Variants in ARHGEF16 observed in about 807,000 individuals in gnomAD.
The protein encoded by ARHGEF16 is Rho guanine nucleotide exchange factor 16, also known as Rho guanine exchange factor (GEF) 16.
ARHGEF16 carries 59 observed loss-of-function variants against 74.1 expected under a neutral mutation model. That is an observed-to-expected ratio of 0.80 (90% CI 0.65 to 0.99). ARHGEF16 has a LOEUF of 0.99. Among genes scored for constraint, ARHGEF16 ranks in the 50% least tolerant of loss-of-function variants. The probability of loss-of-function intolerance (pLI) is 0.00; values close to 1 mark genes in which losing one functional copy is unlikely to be tolerated. For missense variants in ARHGEF16, 948 were observed against 986.6 expected (o/e 0.96, Z 0.52); for synonymous variants, 415 against 412.6 (o/e 1.01, Z -0.07).
At position 3,475,956 on chromosome 1, in the gene ARHGEF16, AC is replaced by A; in HGVS notation, c.1381-12del. On this transcript the variant is annotated splice_polypyrimidine_tract_variant and intron_variant, in intron 9 of 14. Coordinates refer to ENST00000378378, the MANE Select transcript of ARHGEF16 (RefSeq NM_014448.4). ...TGTAGCACCAGCCTCTCACACGGGA[AC>A]CATGCCCTGCAGCTGGTGAGGCAGT... The A allele has an allele frequency of 6.5e-7, 1 of 1,548,826 alleles. No individual in the cohort carries two copies. Among genetic ancestry groups the A allele is most frequent in the Non-Finnish European group, 8.7e-7 (1 of 1,146,100 alleles).
chr1:3,478,120 C>A, intron 11 of ARHGEF16, 94 bp downstream of exon 11: 1 of 1,527,274 alleles, frequency 6.5e-7, no homozygotes, highest in Non-Finnish European at 8.9e-7. Context: ...TGGCCCTGAG[C>A]CCCTCTGACC....
chr1:3,455,918 C>T (rs1212459506), intron 1 of ARHGEF16, among the ~76,000 whole-genome samples: 2 of 152,126 alleles, frequency 1.3e-5, no homozygotes, highest in African/African-American at 4.8e-5. Flanking sequence ...CCCTGCTGTG[C>T]GATGCCCACA....
chr1:3,465,024 G>A (rs532229137), intron 2 of ARHGEF16, among the ~76,000 whole-genome samples: 87 of 152,326 alleles, frequency 5.7e-4, no homozygotes, highest in East Asian at 5.8e-4. Context: ...TACCTGAGAC[G>A]CCCAGGACTC....
chr1:3,469,063 T>A, intron 5 of ARHGEF16, 127 bp downstream of exon 5: 9 of 1,202,990 alleles, frequency 7.5e-6, no homozygotes, highest in Non-Finnish European at 1.1e-5. Flanking sequence ...CCAGGCCCTG[T>A]CACGCTGACC....
At chr1:3,479,120 G>A (rs901754969) in intron 12 of ARHGEF16, among the ~76,000 whole-genome samples, 87 of 152,350 alleles carry the variant, frequency 5.7e-4, no homozygotes, top group Admixed American at 5.3e-3. Context: ...CGGGCCCCCC[G>A]TGGAAGCCAG....
chr1:3,479,629 C>T (rs771135372), intron 13 of ARHGEF16, 39 bp downstream of exon 13: 35 of 1,599,120 alleles, frequency 2.2e-5, no homozygotes, highest in East Asian at 1.6e-4. Flanking sequence ...GGCCCTCTGC[C>T]GTGGCTGGCA....
intron 6 of ARHGEF16, chr1:3,472,683 GC>G: frequency 5.8e-6 from 1 of 171,514 alleles, no homozygotes; most frequent in Non-Finnish European, 1.2e-5. Context: ...CTGTGTGGAG[GC>G]CCAGTCGTTT....
At chr1:3,473,746 G>T in intron 8 of ARHGEF16, 2 of 736,710 alleles carry the variant, frequency 2.7e-6, no homozygotes, top group Non-Finnish European at 4.3e-6. Context: ...AGCCCTTGGC[G>T]GATTTGTGTT....
chr1:3,463,471 C>A lies in ARHGEF16; in HGVS notation c.387C>A (p.Ser129Arg). Residue 129 changes from serine (S) to arginine (R), a missense_variant, in exon 2 of 15, where the codon AGC (serine) becomes AGA (arginine). Transcript: ENST00000378378. ...RRDPKLLPAP[S>R]FSLDDMDVDK... ...ACCCTAAGCTCCTCCCAGCCCCCAG[C>A]TTCTCCCTGGATGACATGGACGTGG... 1 of 1,531,348 alleles carries A rather than the reference C, an allele frequency of 6.5e-7. No individual in the cohort carries two copies. The highest frequency in any genetic ancestry group is 8.8e-7 in the Non-Finnish European group (1 of 1,137,298). 94.9% of individuals were successfully genotyped at this position (1,531,348 alleles called of 1,614,324 possible).
intron 5 of ARHGEF16, 41 bp downstream of exon 5, chr1:3,468,977 G>A (rs1014720393): frequency 1.5e-5 from 23 of 1,547,176 alleles, no homozygotes; most frequent in Non-Finnish European, 1.9e-5. Flanking sequence ...CCCATGGCCT[G>A]GGCCATGCAA....
At chr1:3,472,033 G>C (rs535581626) in intron 6 of ARHGEF16, among the ~76,000 whole-genome samples, 1 of 152,230 alleles carries the variant, frequency 6.6e-6, no homozygotes. Context: ...TGGCTCCTGC[G>C]TGGGTGGCAG....
rs1454248791 is a variant in ARHGEF16, at chr1:3,479,932, G to C, written c.1990+19G>C. On this transcript the variant is annotated intron_variant, in intron 14 of 14. Coordinates refer to ENST00000378378, the MANE Select transcript of ARHGEF16 (RefSeq NM_014448.4). Reference sequence around the variant, plus strand: ...GAGGATGGTGAGTGCAGGGGCGTTGGGCACAGATGGGTGGGAACGGACAGG... The same window carrying C: ...GAGGATGGTGAGTGCAGGGGCGTTGCGCACAGATGGGTGGGAACGGACAGG... 1.9e-6 allele frequency: 3 copies of C among 1,610,096 alleles called. No homozygotes were observed. Among genetic ancestry groups the C allele is most frequent in the Non-Finnish European group, 2.5e-6 (3 of 1,178,354 alleles).
At chr1:3,470,434 G>A (rs1639676026) in intron 6 of ARHGEF16, among the ~76,000 whole-genome samples, 1 of 150,904 alleles carries the variant, frequency 6.6e-6, no homozygotes, top group Non-Finnish European at 1.5e-5. Context: ...GTGGGGCAGG[G>A]GTGTGTATGC....
At chr1:3,471,715 G>T (rs756707027) in intron 6 of ARHGEF16, 3 of 1,225,786 alleles carry the variant, frequency 2.4e-6, no homozygotes, top group Non-Finnish European at 1.1e-6. Context: ...GGGAAGCTCC[G>T]GCCTCCTCCC....
intron 1 of ARHGEF16, among the ~76,000 whole-genome samples, chr1:3,457,616 C>A (rs1007112808): frequency 1.1e-4 from 16 of 152,236 alleles, no homozygotes; most frequent in Non-Finnish European, 2.2e-4. Context: ...CCCACCCAAC[C>A]AACACTGGGT....
rs552893816 is a variant in ARHGEF16, at chr1:3,473,591, G to T, written c.1305+69G>T. On this transcript the variant is annotated intron_variant, in intron 8 of 14. Transcript: ENST00000378378. ...GGTCCCACGGCCAGAGCCCTGCCCC[G>T]GATGGAGCATTACGTGCTTGTGACC... The T allele has an allele frequency of 1.3e-3, 2,152 of 1,594,602 alleles. 2 individuals carry two copies. The highest frequency in any genetic ancestry group is 1.6e-3 in the Non-Finnish European group (1,902 of 1,176,158).
chr1:3,478,179 C>CG, intron 11 of ARHGEF16, 153 bp downstream of exon 11: 2 of 1,148,046 alleles, frequency 1.7e-6, no homozygotes, highest in Non-Finnish European at 2.5e-6. Context: ...ACGTGACACT[C>CG]GGGGGCAGGT....
In ARHGEF16 at chr1:3,478,217, C is replaced by G. The variant is rs946785491; in HGVS notation, c.1625+191C>G. ...CGCTCGCTGTGCAGCCTCTGACCTC[C>G]TCTGCAGACCTGGGTCTGCCGGTGA... On this transcript the variant is annotated intron_variant, in intron 11 of 14. Coordinates refer to ENST00000378378, the MANE Select transcript of ARHGEF16 (RefSeq NM_014448.4). 42 of 920,724 alleles carry G rather than the reference C, an allele frequency of 4.6e-5. No individual in the cohort carries two copies. In the Middle Eastern group the frequency reaches 1.3e-3, roughly 28 times the overall value. The allele number at this position is 920,724 out of a possible 1,614,324, so 57.0% of individuals were successfully genotyped here.
At chr1:3,462,832 C>A (rs754356222) in intron 1 of ARHGEF16, among the ~76,000 whole-genome samples, 3 of 152,220 alleles carry the variant, frequency 2.0e-5, no homozygotes, top group Non-Finnish European at 4.4e-5. Flanking sequence ...CCAGCGCCTG[C>A]CCAGTCCCAT....
Sources: gnomAD v4.1 joint callset for allele counts (sites outside exome capture counted in the v4.1 genomes callset) on GRCh38, gnomAD v4.1.1 for gene constraint, MANE v1.5 for transcripts, NCBI Gene and HGNC (gene_info 2026-07-23, HGNC 2026-07-21) for gene names.